CREBBP: variants seen among roughly 807,000 people sequenced by gnomAD.
The protein encoded by CREBBP is CREB binding lysine acetyltransferase.
CREBBP carries 19 observed loss-of-function variants against 265.0 expected under a neutral mutation model. The ratio of observed to expected loss-of-function variants is 0.07; its 90% CI spans 0.05 to 0.11. The LOEUF (loss-of-function observed/expected upper bound fraction) is 0.11, where lower values mean the gene tolerates loss of function less well. CREBBP is among the 10% of genes least tolerant of loss of function. The probability of loss-of-function intolerance (pLI) is 1.00; values close to 1 mark genes in which losing one functional copy is unlikely to be tolerated. For missense variants in CREBBP, 2,525 were observed against 3,219.0 expected (o/e 0.78, Z 5.22); for synonymous variants, 1,457 against 1,223.7 (o/e 1.19, Z -3.98).
At chr16:3,849,434 T>TGTGTGTGTGTGTGTGTGTGTG (rs2054756354) in intron 2 of CREBBP, among the ~76,000 whole-genome samples, 2 of 10,084 alleles carry the variant, frequency 2.0e-4, no homozygotes, top group African/African-American at 1.3e-4. Flanking sequence ...TGTGTGTGTG[T>TGTGTGTGTGTGTGTGTGTGTG]GTGTGTGTGT....
intron 1 of CREBBP, among the ~76,000 whole-genome samples, chr16:3,873,990 G>A (rs1240637858): frequency 4.6e-5 from 7 of 152,166 alleles, no homozygotes; most frequent in Non-Finnish European, 7.3e-5. Context: ...GAAGAGGGCC[G>A]TGGAAAGGCT....
intron 2 of CREBBP, among the ~76,000 whole-genome samples, chr16:3,849,203 T>C (rs958563492): frequency 8.9e-6 from 1 of 112,510 alleles, no homozygotes; most frequent in African/African-American, 3.4e-5. Context: ...TCAGTGGGAA[T>C]AGGCTGCCCT....
rs200848630 is a variant in CREBBP, at chr16:3,803,263, GGA to G, written c.975+7338_975+7339del. Among the ~76,000 whole-genome samples, 47 of 24,234 alleles carry G rather than the reference GGA, an allele frequency of 1.9e-3. 16 individuals are homozygous for G. In the South Asian group the frequency reaches 0.023, roughly 12 times the overall value. The allele number at this position is 24,234 out of a possible 152,430, so 15.9% of individuals were successfully genotyped here. ...CAGCACTTTGGGAGGCTGACGGCGGGGAGGGGGGGGGGGGGGGTGGATCACGA... is the reference window on the plus strand; with the variant it reads ...CAGCACTTTGGGAGGCTGACGGCGGGGGGGGGGGGGGGGGGTGGATCACGA... On this transcript the variant is annotated intron_variant, in intron 3 of 30. Coordinates refer to ENST00000262367, the MANE Select transcript of CREBBP (RefSeq NM_004380.3).
intron 26 of CREBBP, 45 bp downstream of exon 26, chr16:3,738,514 A>C (rs1166943899): frequency 1.7e-6 from 2 of 1,190,154 alleles, no homozygotes; most frequent in Non-Finnish European, 2.5e-6. Context: ...TACAGTAAAA[A>C]ATAAAGGGTT....
chr16:3,830,385 G>A (rs1051353648), intron 2 of CREBBP, among the ~76,000 whole-genome samples: 4 of 151,966 alleles, frequency 2.6e-5, no homozygotes, highest in Non-Finnish European at 4.4e-5. Flanking sequence ...TTAGGTGAGA[G>A]TGACATCCTG....
intron 2 of CREBBP, among the ~76,000 whole-genome samples, chr16:3,829,444 G>A (rs897167206): frequency 6.6e-6 from 1 of 152,148 alleles, no homozygotes; most frequent in Non-Finnish European, 1.5e-5. Flanking sequence ...CACCTCCTAG[G>A]GCTTACTGGA....
At chr16:3,853,618 T>C (rs1016516774) in intron 1 of CREBBP, among the ~76,000 whole-genome samples, 1 of 144,528 alleles carries the variant, frequency 6.9e-6, no homozygotes, top group Non-Finnish European at 1.5e-5. Context: ...TGAGACTCCA[T>C]CTCAAAAAAA....
rs777811522 is a variant in CREBBP at position 3,728,656 on chromosome 16, G to C, written c.6391C>G (p.Pro2131Ala). The C allele has an allele frequency of 1.2e-6, 2 of 1,613,658 alleles. No homozygotes were observed. Among genetic ancestry groups the C allele is most frequent in the Non-Finnish European group, 1.7e-6 (2 of 1,179,860 alleles). The change falls in exon 31 of 31, where the codon CCT becomes GCT. Residue 2131 changes from proline (P) to alanine (A), a missense_variant. Around this residue, in one of 19 missense-constraint regions of CREBBP, gnomAD observed 473 missense variants for 459.3 expected, o/e 1.03. Transcript: ENST00000262367. The surrounding 1 kb of genome is among the most constrained non-coding windows in gnomAD (Gnocchi z 8.7). Reference protein sequence around the residue: ...LQSQPGMQPQPGMHQQPSLQN... With the variant: ...LQSQPGMQPQAGMHQQPSLQN... ...AGGCTGGGCTGCTGGTGCATGCCAG[G>C]CTGGGGTTGCATGCCGGGCTGGGAC...
At chr16:3,818,120 G>A (rs1291052107) in intron 2 of CREBBP, among the ~76,000 whole-genome samples, 4 of 151,998 alleles carry the variant, frequency 2.6e-5, no homozygotes, top group Non-Finnish European at 1.5e-5. Flanking sequence ...ACACTCACAA[G>A]AAGGGGTTGA....
intron 11 of CREBBP, among the ~76,000 whole-genome samples, chr16:3,775,221 A>G (rs933696377): frequency 6.6e-6 from 1 of 152,146 alleles, no homozygotes; most frequent in Non-Finnish European, 1.5e-5. Context: ...ATCTGTGCTA[A>G]GTCTCCAAAT....
At chr16:3,757,247 C>T (rs750350929) in intron 19 of CREBBP, 41 bp downstream of exon 19, 1 of 1,490,322 alleles carries the variant, frequency 6.7e-7, no homozygotes, top group Non-Finnish European at 9.3e-7. Context: ...ATGAACGTGC[C>T]TTGCCCTAAG....
At position 3,736,212 on chromosome 16, in the gene CREBBP, G is replaced by A. The variant is rs966153409; in HGVS notation, c.4561-9C>T. The A allele has an allele frequency of 6.2e-7, 1 of 1,613,936 alleles. No homozygotes were observed. The highest frequency in any genetic ancestry group is 8.5e-7 in the Non-Finnish European group (1 of 1,179,814). Reference sequence around the variant, plus strand: ...GCTTGTTTGAAAATATCCTGAGTGGGCAAAGCACAACAGTGAGATGAGGGC... The same window carrying A: ...GCTTGTTTGAAAATATCCTGAGTGGACAAAGCACAACAGTGAGATGAGGGC... On this transcript the variant is annotated splice_polypyrimidine_tract_variant and intron_variant, in intron 27 of 30. Coordinates refer to ENST00000262367, the MANE Select transcript of CREBBP (RefSeq NM_004380.3).
At position 3,773,712 on chromosome 16, in the gene CREBBP, T is replaced by C. The variant is rs575459804; in HGVS notation, c.2463+39A>G. On this transcript the variant is annotated intron_variant, in intron 13 of 30. Transcript: ENST00000262367. Reference sequence around the variant, plus strand: ...AAACCAAAACTTAACACAAGAATTTTATTTCCTAGGGAGCCACGGTCCCAG... The same window carrying C: ...AAACCAAAACTTAACACAAGAATTTCATTTCCTAGGGAGCCACGGTCCCAG... 11 of 1,605,268 alleles carry C rather than the reference T, an allele frequency of 6.9e-6. No homozygotes were observed. The African/African-American group carries it at 1.2e-4, about 18-fold the overall frequency.
intron 13 of CREBBP, 192 bp downstream of exon 13, chr16:3,773,559 G>A (rs2053064862): frequency 4.7e-6 from 3 of 638,528 alleles, no homozygotes; most frequent in Admixed American, 3.0e-5. Flanking sequence ...AACCCAGAAA[G>A]GATAAGAGAA....
intron 21 of CREBBP, among the ~76,000 whole-genome samples, chr16:3,747,788 T>C (rs1311362751): frequency 1.3e-5 from 2 of 151,028 alleles, no homozygotes; most frequent in African/African-American, 2.4e-5. Flanking sequence ...TGGTGAAACC[T>C]CGTCTCTACT....
chr16:3,745,016 C>T, intron 22 of CREBBP, 55 bp from the exon 23 acceptor site: 1 of 1,302,236 alleles, frequency 7.7e-7, no homozygotes, highest in Non-Finnish European at 1.1e-6. Flanking sequence ...AATTGTCAAA[C>T]CAACAAAATG....
At chr16:3,774,076 C>G (rs1250780622) in intron 12 of CREBBP, 146 bp from the exon 13 acceptor site, 3 of 891,884 alleles carry the variant, frequency 3.4e-6, no homozygotes, top group Non-Finnish European at 5.4e-6. Flanking sequence ...TGGGAAGAGA[C>G]CACCACTTGC....
At chr16:3,831,055 C>T (rs1165574563) in intron 2 of CREBBP, among the ~76,000 whole-genome samples, 2 of 152,188 alleles carry the variant, frequency 1.3e-5, no homozygotes, top group African/African-American at 4.8e-5. Context: ...GCTGGGATTA[C>T]AGGCATGAGA....
chr16:3,876,174 G>A (rs952138207), intron 1 of CREBBP, among the ~76,000 whole-genome samples: 10 of 151,826 alleles, frequency 6.6e-5, no homozygotes, highest in Non-Finnish European at 1.2e-4. Context: ...GAATAGCTGG[G>A]ATTACAGGAT....
Sources: allele counts gnomAD v4.1 joint callset (sites outside exome capture counted in the v4.1 genomes callset), GRCh38; gene constraint gnomAD v4.1.1; regional missense constraint gnomAD v4.1.1; non-coding constraint Gnocchi (gnomAD v3.1); transcripts MANE v1.5; gene names NCBI Gene and HGNC (gene_info 2026-07-23, HGNC 2026-07-21).